Variants in PLCG2 observed in about 807,000 individuals in gnomAD.
PLCG2 encodes the protein 1-phosphatidylinositol 4,5-bisphosphate phosphodiesterase gamma-2.
PLCG2 carries 69 observed loss-of-function variants against 175.6 expected under a neutral mutation model. That is an observed-to-expected ratio of 0.39 (90% CI 0.32 to 0.48). PLCG2 has a LOEUF of 0.48. Among genes scored for constraint, PLCG2 ranks in the 20% least tolerant of loss-of-function variants. The pLI is 0.91. For synonymous variants in PLCG2, 827 were observed against 624.0 expected (o/e 1.33, Z -4.85); for missense variants, 1,798 against 1,650.9 (o/e 1.09, Z -1.54).
At chr16:81,824,569 C>G (rs1468139839) in intron 2 of PLCG2, among the ~76,000 whole-genome samples, 2 of 152,234 alleles carry the variant, frequency 1.3e-5, no homozygotes, top group Non-Finnish European at 2.9e-5. Context: ...TCCCTCAGGC[C>G]TTCTCACCAT....
At chr16:81,818,660 G>C (rs1413375313) in intron 2 of PLCG2, among the ~76,000 whole-genome samples, 2 of 152,028 alleles carry the variant, frequency 1.3e-5, no homozygotes, top group African/African-American at 4.8e-5. Flanking sequence ...CCTTTTCTCT[G>C]CAGCAGCAAG....
intron 2 of PLCG2, among the ~76,000 whole-genome samples, chr16:81,819,005 C>T (rs1426262833): frequency 2.0e-5 from 3 of 151,022 alleles, no homozygotes; most frequent in Non-Finnish European, 4.4e-5. Context: ...TCCTTCTAGG[C>T]CCACCATGAG....
At chr16:81,764,973 C>T (rs1398774989) in intron 2 of PLCG2, among the ~76,000 whole-genome samples, 1 of 130,960 alleles carries the variant, frequency 7.6e-6, no homozygotes, top group Non-Finnish European at 1.6e-5. Flanking sequence ...CCTGTGGTCC[C>T]AGCTACTCGG....
intron 2 of PLCG2, among the ~76,000 whole-genome samples, chr16:81,791,190 T>C (rs1489117837): frequency 6.6e-6 from 1 of 152,144 alleles, no homozygotes; most frequent in Non-Finnish European, 1.5e-5. Context: ...GATTGTGTGC[T>C]TAGTACCATA....
At position 81,860,173 on chromosome 16, in the gene PLCG2, T is replaced by TTTTA. The variant is rs1555513311; in HGVS notation, c.479+1013_479+1014insATTT. Among the ~76,000 whole-genome samples the TTTTA allele has an allele frequency of 3.2e-3, 258 of 81,524 alleles. 5 individuals carry two copies. In the East Asian group the frequency reaches 0.061, roughly 19 times the overall value. 53.5% of individuals were successfully genotyped at this position (81,524 alleles called of 152,430 possible). ...ATTATTATTATTATTATTATTATTA[T>TTTTA]TTTTTTTTTTTTTTGTAAAGGTGAA... On this transcript the variant is annotated intron_variant, in intron 5 of 32. Transcript: ENST00000564138.
chr16:81,779,192 C>G (rs971444950), upstream of PLCG2: 18 of 152,170 alleles, frequency 1.2e-4, no homozygotes, highest in Admixed American at 1.0e-3. Flanking sequence ...GAGAGGCGGA[C>G]CCGGCTGGGC....
chr16:81,904,893 T>C (rs541179492), intron 14 of PLCG2, among the ~76,000 whole-genome samples: 4 of 152,076 alleles, frequency 2.6e-5, no homozygotes, highest in East Asian at 3.9e-4. Context: ...TTTTTACTTA[T>C]TTATTTTTTA....
intron 9 of PLCG2, 90 bp from the exon 10 acceptor site, chr16:81,889,082 G>C: frequency 1.3e-6 from 1 of 749,022 alleles, no homozygotes. Flanking sequence ...TGATGTTTCA[G>C]TCTTCGATTG....
intron 14 of PLCG2, among the ~76,000 whole-genome samples, chr16:81,904,934 C>A (rs57033736): frequency 1.2e-3 from 178 of 152,326 alleles, no homozygotes; most frequent in African/African-American, 3.7e-3. Context: ...GTTGCCCAGG[C>A]TGGAGTGCAG....
chr16:81,938,925 T>A lies in PLCG2; in HGVS notation c.3313+10T>A, dbSNP rs1384376315. 1 of 1,513,716 alleles carries A rather than the reference T, an allele frequency of 6.6e-7. No individual in the cohort carries two copies. Among genetic ancestry groups the A allele is most frequent in the Non-Finnish European group, 9.2e-7 (1 of 1,090,294 alleles). The allele number at this position is 1,513,716 out of a possible 1,614,324, so 93.8% of individuals were successfully genotyped here. Reference sequence around the variant, plus strand: ...AAGACGACGGTTGTGAGTAAGTCAGTCACCTTGGCCCCTCTGCTTTTAAAC... The same window carrying A: ...AAGACGACGGTTGTGAGTAAGTCAGACACCTTGGCCCCTCTGCTTTTAAAC... On this transcript the variant is annotated intron_variant, in intron 29 of 32. Transcript: ENST00000564138.
chr16:81,812,627 G>A (rs1243848499), intron 2 of PLCG2, among the ~76,000 whole-genome samples: 1 of 152,134 alleles, frequency 6.6e-6, no homozygotes, highest in African/African-American at 2.4e-5. Context: ...CTTCCATTCT[G>A]TATGTTGCCT....
At chr16:81,880,510 T>G (rs1908026975) in intron 7 of PLCG2, among the ~76,000 whole-genome samples, 1 of 151,904 alleles carries the variant, frequency 6.6e-6, no homozygotes, top group African/African-American at 2.4e-5. Context: ...AATACAATGG[T>G]TTTTCAAAGA....
At chr16:81,762,121 C>T (rs771635371) in intron 2 of PLCG2, among the ~76,000 whole-genome samples, 2 of 152,046 alleles carry the variant, frequency 1.3e-5, no homozygotes, top group African/African-American at 2.4e-5. Flanking sequence ...AGGCATGAGC[C>T]ACCACGCATG....
chr16:81,789,710 C>T (rs1321678140), intron 2 of PLCG2, among the ~76,000 whole-genome samples: 3 of 152,084 alleles, frequency 2.0e-5, no homozygotes, highest in Non-Finnish European at 2.9e-5. Context: ...ATAAGTCCCC[C>T]GGATGGTCTG....
chr16:81,888,190 T>A (rs927744765), intron 9 of PLCG2, among the ~76,000 whole-genome samples: 26 of 152,206 alleles, frequency 1.7e-4, no homozygotes, highest in African/African-American at 5.5e-4. Flanking sequence ...GATGCTTGTT[T>A]GCACAAGCTG....
intron 1 of PLCG2, among the ~76,000 whole-genome samples, chr16:81,746,315 T>C (rs1284702021): frequency 6.6e-6 from 1 of 152,202 alleles, no homozygotes; most frequent in Non-Finnish European, 1.5e-5. Context: ...TGCTTGAGTT[T>C]TCGCCCCCAG....
At chr16:81,840,812 G>A (rs114836755) in intron 2 of PLCG2, among the ~76,000 whole-genome samples, 25 of 152,174 alleles carry the variant, frequency 1.6e-4, no homozygotes, top group African/African-American at 5.6e-4. Context: ...GCTCCCTTCC[G>A]AGTGGCAAGG....
chr16:81,787,992 A>G (rs1321906728), intron 2 of PLCG2, among the ~76,000 whole-genome samples: 1 of 152,138 alleles, frequency 6.6e-6, no homozygotes, highest in Admixed American at 6.5e-5. Context: ...GGTTGTTGCC[A>G]CCTTTTGGCT....
chr16:81,836,746 G>C (rs1309921594), intron 2 of PLCG2, among the ~76,000 whole-genome samples: 3 of 152,174 alleles, frequency 2.0e-5, no homozygotes, highest in Admixed American at 1.3e-4. Flanking sequence ...TCTCAAAAAC[G>C]AGTGCAAACT....
Sources: gnomAD v4.1 joint callset for allele counts (sites outside exome capture counted in the v4.1 genomes callset) on GRCh38, gnomAD v4.1.1 for gene constraint, MANE v1.5 for transcripts, NCBI Gene and HGNC (gene_info 2026-07-23, HGNC 2026-07-21) for gene names.